SNRPF: variants seen among roughly 807,000 people sequenced by gnomAD.
The protein encoded by SNRPF is small nuclear ribonucleoprotein F.
SNRPF carries 1 observed loss-of-function variant against 13.4 expected under a neutral mutation model. The ratio of observed to expected loss-of-function variants is 0.07; its 90% CI spans 0.03 to 0.35. The LOEUF (loss-of-function observed/expected upper bound fraction) is 0.35, where lower values mean the gene tolerates loss of function less well. SNRPF is among the 10% of genes least tolerant of loss of function. SNRPF has a pLI of 0.99. For synonymous variants in SNRPF, 27 were observed against 32.1 expected (o/e 0.84, Z 0.54); for missense variants, 53 against 101.0 (o/e 0.52, Z 2.04).
At chr12:95,864,101 C>T (rs1036203881) in intron 2 of SNRPF, among the ~76,000 whole-genome samples, 6 of 152,190 alleles carry the variant, frequency 3.9e-5, no homozygotes, top group African/African-American at 1.4e-4. Context: ...TCAACAACCT[C>T]GTATATTTCA....
At chr12:95,865,673 C>T (rs567622965) in intron 3 of SNRPF, among the ~76,000 whole-genome samples, 3 of 152,134 alleles carry the variant, frequency 2.0e-5, no homozygotes, top group Admixed American at 6.5e-5. Flanking sequence ...GCCTTTGTTG[C>T]GGGAACTTAG....
At chr12:95,864,758 A>C (rs1326074155) in intron 2 of SNRPF, among the ~76,000 whole-genome samples, 1 of 152,224 alleles carries the variant, frequency 6.6e-6, no homozygotes, top group Non-Finnish European at 1.5e-5. Flanking sequence ...AATTGTTTCG[A>C]AGTAGCCAGG....
chr12:95,859,405 T>C (rs894604979), intron 1 of SNRPF, among the ~76,000 whole-genome samples: 4 of 152,250 alleles, frequency 2.6e-5, no homozygotes, highest in African/African-American at 9.6e-5. Context: ...TTTCATTCCG[T>C]GAAAGTAATG....
At chr12:95,865,426 T>C (rs752491065) in intron 3 of SNRPF, 38 bp downstream of exon 3, 2 of 985,134 alleles carry the variant, frequency 2.0e-6, no homozygotes, top group Admixed American at 3.6e-5. Context: ...GAGTTACTGG[T>C]GAGCATTAGG....
chr12:95,859,222 T>C (rs1438480844), intron 1 of SNRPF, 146 bp downstream of exon 1: 5 of 650,428 alleles, frequency 7.7e-6, no homozygotes, highest in South Asian at 1.7e-5. Flanking sequence ...TCACTCTGCT[T>C]TTAGGTTTCT....
rs535084355 is a variant in SNRPF, at chr12:95,865,082, A to G, written c.130-242A>G. ...ATCTAATAGAAAGAAATATTACATA[A>G]CCTGGGAGATTCAGAAACTTATGTT... On this transcript the variant is annotated intron_variant, in intron 2 of 3. Coordinates refer to ENST00000266735, the MANE Select transcript of SNRPF (RefSeq NM_003095.5). 2.7e-4 allele frequency: 85 copies of G among 314,814 alleles called. 1 individual carries two copies. Among genetic ancestry groups the G allele is most frequent in the South Asian group, 7.8e-4 (10 of 12,778 alleles). 19.5% of individuals were successfully genotyped at this position (314,814 alleles called of 1,614,324 possible).
At chr12:95,862,872 CTTA>C (rs1175556984) in intron 2 of SNRPF, among the ~76,000 whole-genome samples, 1 of 152,094 alleles carries the variant, frequency 6.6e-6, no homozygotes, top group Admixed American at 6.5e-5. Flanking sequence ...GAAGTGGTAT[CTTA>C]TTGTGGTTTT....
chr12:95,864,686 C>G (rs1184145401), intron 2 of SNRPF, among the ~76,000 whole-genome samples: 1 of 152,228 alleles, frequency 6.6e-6, no homozygotes, highest in Non-Finnish European at 1.5e-5. Flanking sequence ...AGGAGGATCA[C>G]TTGAAGGCAG....
chr12:95,861,506 A>G (rs2079496299), intron 2 of SNRPF: 1 of 344,588 alleles, frequency 2.9e-6, no homozygotes, highest in Non-Finnish European at 5.4e-6. Flanking sequence ...TTTTATTCCT[A>G]GTAGTTAAAG....
Position 95,864,644 on chromosome 12 carries a change from C to G in SNRPF, c.130-680C>G, listed in dbSNP as rs531203216. Among the ~76,000 whole-genome samples, 52 of 152,316 alleles carry G rather than the reference C, an allele frequency of 3.4e-4. 1 individual carries two copies. The South Asian group carries it at 9.3e-3, about 27-fold the overall frequency. Reference sequence around the variant, plus strand: ...TCAGGCCCAGATGTGATAGCTTATGCCTGTAATCCCAGCACTTTGGGAGGC... The same window carrying G: ...TCAGGCCCAGATGTGATAGCTTATGGCTGTAATCCCAGCACTTTGGGAGGC... On this transcript the variant is annotated intron_variant, in intron 2 of 3. Transcript: ENST00000266735.
chr12:95,865,440 A>G (rs1291691161), intron 3 of SNRPF, 52 bp downstream of exon 3: 1 of 835,156 alleles, frequency 1.2e-6, no homozygotes, highest in South Asian at 1.6e-5. Flanking sequence ...CATTAGGAAT[A>G]CCTGTTCTAA....
chr12:95,861,795 T>G, intron 2 of SNRPF: 1 of 153,624 alleles, frequency 6.5e-6, no homozygotes, highest in Non-Finnish European at 1.5e-5. Context: ...TGGGTTTTTT[T>G]GTAATTAATT....
At position 95,858,984 on chromosome 12, in the gene SNRPF, C is replaced by T. The variant is rs1298376351; in HGVS notation, c.-90C>T. 15 of 1,586,760 alleles carry T rather than the reference C, an allele frequency of 9.5e-6. No individual in the cohort carries two copies. Among genetic ancestry groups the T allele is most frequent in the Admixed American group, 3.7e-5 (2 of 54,302 alleles). On this transcript the variant is annotated 5_prime_UTR_variant, in exon 1 of 4. Coordinates refer to ENST00000266735, the MANE Select transcript of SNRPF (RefSeq NM_003095.5). ...GCGGCCATTTCTCTTGAAACTGCGG[C>T]TCGGGACCTGCGGTACCTGCTGTAG...
chr12:95,864,771 T>C (rs981131022), intron 2 of SNRPF, among the ~76,000 whole-genome samples: 1 of 152,190 alleles, frequency 6.6e-6, no homozygotes, highest in African/African-American at 2.4e-5. Context: ...TAGCCAGGCT[T>C]TGTGGCACAT....
At chr12:95,865,854 CT>C (rs1565937650) in intron 3 of SNRPF, 150 bp from the exon 4 acceptor site, 8 of 355,984 alleles carry the variant, frequency 2.2e-5, no homozygotes, top group South Asian at 9.1e-5. Flanking sequence ...CTATGTGAAA[CT>C]TTTTTTTAAA....
chr12:95,865,478 AC>A, intron 3 of SNRPF, 90 bp downstream of exon 3: 3 of 599,116 alleles, frequency 5.0e-6, no homozygotes, highest in Non-Finnish European at 9.0e-6. Context: ...TTTTGGAATT[AC>A]TTTTTTTTAA....
In SNRPF at chr12:95,859,011, C is replaced by A. The variant is rs898781562; in HGVS notation, c.-63C>A. ...CGGGACCTGCGGTACCTGCTGTAGT[C>A]ACGAGGGACGGGCGGCGGCCTGGTC... On this transcript the variant is annotated 5_prime_UTR_variant, in exon 1 of 4. Transcript: ENST00000266735. 2.5e-6 allele frequency: 4 copies of A among 1,605,594 alleles called. No homozygotes were observed. The highest frequency in any genetic ancestry group is 2.7e-5 in the African/African-American group (2 of 74,888).
At chr12:95,861,748 A>G (rs1440273486) in intron 2 of SNRPF, 1 of 154,432 alleles carries the variant, frequency 6.5e-6, no homozygotes, top group Non-Finnish European at 1.4e-5. Flanking sequence ...ATGTCTGTCA[A>G]ACGAGTTTCT....
At chr12:95,860,294 A>G (rs2079489096) in intron 1 of SNRPF, among the ~76,000 whole-genome samples, 1 of 152,188 alleles carries the variant, frequency 6.6e-6, no homozygotes, top group South Asian at 2.1e-4. Context: ...TGTCCCCAAA[A>G]CCACCTTGTT....
Sources: allele counts gnomAD v4.1 joint callset (sites outside exome capture counted in the v4.1 genomes callset), GRCh38; gene constraint gnomAD v4.1.1; transcripts MANE v1.5; gene names NCBI Gene and HGNC (gene_info 2026-07-23, HGNC 2026-07-21).